The following ASTN2 variants were observed in gnomAD, a reference collection of about 807,000 sequenced individuals.
ASTN2 encodes the protein astrotactin-2.
Under a neutral mutation model 139.8 loss-of-function variants are expected in ASTN2, and 54 were observed. That is an observed-to-expected ratio of 0.39 (90% CI 0.31 to 0.48). The LOEUF (loss-of-function observed/expected upper bound fraction) is 0.48, where lower values mean the gene tolerates loss of function less well. ASTN2 is among the 20% of genes least tolerant of loss of function. ASTN2 has a pLI of 0.95. For synonymous variants in ASTN2, 756 were observed against 719.5 expected (o/e 1.05, Z -0.81); for missense variants, 1,565 against 1,725.1 (o/e 0.91, Z 1.64).
chr9:116,859,388 A>C (rs1212966800), intron 11 of ASTN2, among the ~76,000 whole-genome samples: 1 of 152,256 alleles, frequency 6.6e-6, no homozygotes, highest in African/African-American at 2.4e-5. Flanking sequence ...AGGTTACCAC[A>C]GCAGAACCAG....
chr9:116,693,156 A>G (rs1860658380), intron 16 of ASTN2, among the ~76,000 whole-genome samples: 1 of 152,200 alleles, frequency 6.6e-6, no homozygotes, highest in South Asian at 2.1e-4. Flanking sequence ...TTATTTATTT[A>G]GCATCCTTTT....
chr9:117,403,585 C>T (rs1830898427), intron 1 of ASTN2, among the ~76,000 whole-genome samples: 1 of 152,048 alleles, frequency 6.6e-6, no homozygotes, highest in African/African-American at 2.4e-5. Context: ...AAATGATTCC[C>T]CCAAATGCAG....
chr9:116,803,176 C>G (rs1830913143), intron 13 of ASTN2, among the ~76,000 whole-genome samples: 1 of 152,036 alleles, frequency 6.6e-6, no homozygotes, highest in Admixed American at 6.5e-5. Flanking sequence ...CAACATTATT[C>G]TATCCATGAT....
In ASTN2 at chr9:116,978,323, G is replaced by A. The variant is rs1237374471; in HGVS notation, c.1592-1538C>T. 2.0e-5 allele frequency among the ~76,000 whole-genome samples: 3 copies of A among 152,174 alleles called. No individual in the cohort carries two copies. The South Asian group carries it at 6.2e-4, about 32-fold the overall frequency. Reference sequence around the variant, plus strand: ...TTGCTTACTGCCTAGAATAGGGTCAGTGCTTAACAATGTGAGTTGAATGAA... The same window carrying A: ...TTGCTTACTGCCTAGAATAGGGTCAATGCTTAACAATGTGAGTTGAATGAA... On this transcript the variant is annotated intron_variant, in intron 7 of 22. Coordinates refer to ENST00000313400, the MANE Select transcript of ASTN2 (RefSeq NM_001365068.1).
At chr9:116,631,023 T>C (rs551529189) in intron 17 of ASTN2, among the ~76,000 whole-genome samples, 1 of 152,150 alleles carries the variant, frequency 6.6e-6, no homozygotes, top group African/African-American at 2.4e-5. Flanking sequence ...TCACTCCAAT[T>C]TGGACAGTTA....
At chr9:116,531,716 T>C (rs1355144329) in intron 19 of ASTN2, among the ~76,000 whole-genome samples, 1 of 152,204 alleles carries the variant, frequency 6.6e-6, no homozygotes, top group Non-Finnish European at 1.5e-5. Context: ...TATGGCTACA[T>C]AGTATTCCAT....
intron 2 of ASTN2, among the ~76,000 whole-genome samples, chr9:117,222,426 A>G (rs1053952050): frequency 6.6e-6 from 1 of 152,074 alleles, no homozygotes; most frequent in African/African-American, 2.4e-5. Context: ...TGGGGCCTGA[A>G]AGGAGACTTG....
chr9:117,092,048 T>C (rs1828720085), intron 5 of ASTN2, among the ~76,000 whole-genome samples: 1 of 152,176 alleles, frequency 6.6e-6, no homozygotes, highest in South Asian at 2.1e-4. Context: ...ATCTTCACAA[T>C]GACCCTGTGA....
At chr9:116,880,425 C>T (rs1833422857) in intron 10 of ASTN2, among the ~76,000 whole-genome samples, 1 of 152,158 alleles carries the variant, frequency 6.6e-6, no homozygotes, top group Non-Finnish European at 1.5e-5. Context: ...ACTCAACTAT[C>T]ATCACACCAA....
At chr9:116,634,689 A>G (rs12001504) in intron 17 of ASTN2, among the ~76,000 whole-genome samples, 6,502 of 151,726 alleles carry the variant, frequency 0.043, 494 homozygotes, top group African/African-American at 0.15. Context: ...GCACATCTAC[A>G]CTCACTTGGA....
chr9:117,006,684 A>G (rs560924101), intron 7 of ASTN2, among the ~76,000 whole-genome samples: 2 of 152,250 alleles, frequency 1.3e-5, no homozygotes, highest in African/African-American at 4.8e-5. Context: ...CATCTTCCTC[A>G]GAGTAGAATC....
At chr9:116,467,048 C>T (rs1260837066) in intron 20 of ASTN2, among the ~76,000 whole-genome samples, 1 of 152,060 alleles carries the variant, frequency 6.6e-6, no homozygotes, top group Non-Finnish European at 1.5e-5. Context: ...GGAGTGGTGA[C>T]ATCAGCCAAG....
intron 7 of ASTN2, among the ~76,000 whole-genome samples, chr9:116,977,827 C>A (rs1588454741): frequency 6.6e-6 from 1 of 151,028 alleles, no homozygotes; most frequent in East Asian, 2.0e-4. Flanking sequence ...AGTGATTCTC[C>A]CGTCTCAGCC....
intron 10 of ASTN2, among the ~76,000 whole-genome samples, chr9:116,888,925 A>T (rs1053920827): frequency 6.6e-6 from 1 of 151,980 alleles, no homozygotes; most frequent in South Asian, 2.1e-4. Context: ...TTCAGCTCCC[A>T]CTTATATGTG....
intron 10 of ASTN2, among the ~76,000 whole-genome samples, chr9:116,944,607 A>G (rs1254754214): frequency 2.1e-5 from 3 of 141,602 alleles, no homozygotes; most frequent in African/African-American, 7.8e-5. Context: ...TCTTGAACCC[A>G]GGGGACGGAT....
chr9:117,292,598 T>C (rs542934556), intron 1 of ASTN2, among the ~76,000 whole-genome samples: 9 of 152,136 alleles, frequency 5.9e-5, no homozygotes, highest in South Asian at 2.1e-4. Context: ...AGACAAGTAG[T>C]CTTAGTGGTG....
chr9:116,759,141 G>A (rs1001295076), intron 13 of ASTN2, among the ~76,000 whole-genome samples: 5 of 152,156 alleles, frequency 3.3e-5, no homozygotes, highest in African/African-American at 1.2e-4. Flanking sequence ...CAGCCTCTCA[G>A]AGGGCTAAGA....
intron 2 of ASTN2, among the ~76,000 whole-genome samples, chr9:117,227,785 C>A (rs1832763288): frequency 6.6e-6 from 1 of 152,100 alleles, no homozygotes; most frequent in African/African-American, 2.4e-5. Flanking sequence ...GGTCTGAATT[C>A]CAAGCTTGTT....
At chr9:116,604,875 C>G (rs559722118) in intron 19 of ASTN2, among the ~76,000 whole-genome samples, 1 of 152,170 alleles carries the variant, frequency 6.6e-6, no homozygotes, top group Non-Finnish European at 1.5e-5. Flanking sequence ...ATAACAGGGA[C>G]AGAGAAAGAA....
Sources: gnomAD v4.1 joint callset for allele counts (sites outside exome capture counted in the v4.1 genomes callset) on GRCh38, gnomAD v4.1.1 for gene constraint, MANE v1.5 for transcripts, NCBI Gene and HGNC (gene_info 2026-07-23, HGNC 2026-07-21) for gene names.